The following DACH1 variants were observed in gnomAD, a reference collection of about 807,000 sequenced individuals.
The protein encoded by DACH1 is dachshund homolog 1.
DACH1 carries 12 observed loss-of-function variants against 54.2 expected under a neutral mutation model. The ratio of observed to expected loss-of-function variants is 0.22; its 90% CI spans 0.14 to 0.36. DACH1 has a LOEUF of 0.36. Ranked by LOEUF, DACH1 falls within the 10% of genes least tolerant of loss-of-function variation. The probability of loss-of-function intolerance (pLI) is 1.00; values close to 1 mark genes in which losing one functional copy is unlikely to be tolerated. For synonymous variants in DACH1, 386 were observed against 366.2 expected (o/e 1.05, Z -0.62); for missense variants, 805 against 929.8 (o/e 0.87, Z 1.75).
intron 6 of DACH1, among the ~76,000 whole-genome samples, chr13:71,500,972 C>A (rs777342496): frequency 2.0e-5 from 3 of 152,058 alleles, no homozygotes; most frequent in Non-Finnish European, 4.4e-5. Flanking sequence ...GCATTCATTT[C>A]TACGAACTTC....
At chr13:71,533,936 A>G (rs1882588414) in intron 6 of DACH1, among the ~76,000 whole-genome samples, 1 of 152,074 alleles carries the variant, frequency 6.6e-6, no homozygotes, top group Non-Finnish European at 1.5e-5. Context: ...AGACTTACAT[A>G]AACACATGAG....
rs531113806 is a variant in DACH1 at position 71,795,133 on chromosome 13, A to G, written c.848+70789T>C. Among the ~76,000 whole-genome samples, 408 of 152,282 alleles carry G rather than the reference A, an allele frequency of 2.7e-3. 3 individuals carry two copies. The highest frequency in any genetic ancestry group is 0.014 in the Middle Eastern group (4 of 292). ...GTCTATTTCTAATTTAGAAGCTCAT[A>G]TCTAGATTTGCTTCTCCACTTAGGA... On this transcript the variant is annotated intron_variant, in intron 1 of 10. Coordinates refer to ENST00000613252, the MANE Select transcript of DACH1 (RefSeq NM_080759.6).
intron 6 of DACH1, among the ~76,000 whole-genome samples, chr13:71,522,343 G>T (rs1320992892): frequency 6.6e-6 from 1 of 151,902 alleles, no homozygotes; most frequent in Non-Finnish European, 1.5e-5. Context: ...GAGACTTGTG[G>T]ATTATAAATC....
intron 4 of DACH1, among the ~76,000 whole-genome samples, chr13:71,565,220 C>T (rs1200857302): frequency 6.6e-6 from 1 of 151,988 alleles, no homozygotes; most frequent in Non-Finnish European, 1.5e-5. Context: ...ATGTTATCTT[C>T]ATATAACTTT....
chr13:71,658,357 C>T (rs1879276054), intron 2 of DACH1, among the ~76,000 whole-genome samples: 2 of 152,102 alleles, frequency 1.3e-5, no homozygotes, highest in Admixed American at 1.3e-4. Flanking sequence ...TGAGACTAGC[C>T]TGGCCAACAT....
chr13:71,775,720 T>C (rs1226789924), intron 1 of DACH1, among the ~76,000 whole-genome samples: 1 of 152,104 alleles, frequency 6.6e-6, no homozygotes, highest in East Asian at 1.9e-4. Flanking sequence ...AATAACACAA[T>C]GATAGGCAGT....
At chr13:71,775,384 C>CA (rs750785774) in intron 1 of DACH1, among the ~76,000 whole-genome samples, 66 of 151,876 alleles carry the variant, frequency 4.3e-4, no homozygotes, top group Non-Finnish European at 8.7e-4. Flanking sequence ...GCCATATAGA[C>CA]AAACCAGGTA....
chr13:71,572,962 G>A lies in DACH1; in HGVS notation c.1177C>T (p.Leu393=), dbSNP rs765119492. The part of the protein sequence containing the change: ...MMPHPLIPVS[L]PPASVTMAMS... Reference sequence around the variant, plus strand: ...GCCATGGTGACAGATGCTGGAGGTAGGCTGACAGGAATTAGAGGGTGGGGC... The same window carrying A: ...GCCATGGTGACAGATGCTGGAGGTAAGCTGACAGGAATTAGAGGGTGGGGC... Residue 393 remains leucine, a synonymous_variant, in exon 4 of 11, where the codon CTA becomes TTA. Transcript: ENST00000613252. The A allele has an allele frequency of 1.9e-6, 3 of 1,614,084 alleles. No individual in the cohort carries two copies. In the South Asian group the frequency reaches 3.3e-5, roughly 18 times the overall value.
rs147942205 is a variant in DACH1, at chr13:71,595,455, G to C, written c.1127-22443C>G. The stretch of plus-strand genomic sequence containing the variant: ...AAAAGAAGGGAGGAAGCTTGGAACT[G>C]AGTTCTGAGACTTTCACGATAATTC... On this transcript the variant is annotated intron_variant, in intron 3 of 10. Coordinates refer to ENST00000613252, the MANE Select transcript of DACH1 (RefSeq NM_080759.6). Among the ~76,000 whole-genome samples, 10 of 152,254 alleles carry C rather than the reference G, an allele frequency of 6.6e-5. No individual in the cohort carries two copies. In the East Asian group the frequency reaches 1.9e-3, roughly 29 times the overall value.
rs1873913780 is a variant in DACH1 at position 71,440,475 on chromosome 13, GA to G, written c.*179del. On this transcript the variant is annotated 3_prime_UTR_variant, in exon 11 of 11. Transcript: ENST00000613252. The stretch of plus-strand genomic sequence containing the variant: ...CAGGTCTCTGGTATGAACCACAGGT[GA>G]AAATCAATGGAGAAAACTTTTTTTT... 3.8e-6 allele frequency: 2 copies of G among 530,012 alleles called. No individual in the cohort carries two copies. The highest frequency in any genetic ancestry group is 8.4e-5 in the Admixed American group (2 of 23,676). The allele number at this position is 530,012 out of a possible 1,614,324, so 32.8% of individuals were successfully genotyped here. A position where few individuals can be genotyped will look rare whatever the true frequency, so the allele number is the denominator to read the frequency against.
intron 4 of DACH1, among the ~76,000 whole-genome samples, chr13:71,569,343 T>C (rs969588301): frequency 1.3e-5 from 2 of 152,150 alleles, no homozygotes; most frequent in African/African-American, 2.4e-5. Context: ...CACTCTGTCT[T>C]TGCATGTGAA....
intron 1 of DACH1, among the ~76,000 whole-genome samples, chr13:71,790,654 C>A (rs1170798691): frequency 6.6e-6 from 1 of 152,130 alleles, no homozygotes; most frequent in Admixed American, 6.6e-5. Flanking sequence ...AAATGCATTT[C>A]ATTTAGTTCA....
intron 10 of DACH1, among the ~76,000 whole-genome samples, chr13:71,471,154 G>A (rs1264376084): frequency 6.6e-6 from 1 of 152,172 alleles, no homozygotes; most frequent in African/African-American, 2.4e-5. Context: ...TGGGAGCACA[G>A]AGATTGGAGG....
Position 71,679,035 on chromosome 13 carries a change from T to C in DACH1, c.964+2760A>G, listed in dbSNP as rs182054573. Reference sequence around the variant, plus strand: ...CATTCTTCTTTAGAACATGGCTGTTTAAGGTCTTTTTTCGATATAATGCTT... The same window carrying C: ...CATTCTTCTTTAGAACATGGCTGTTCAAGGTCTTTTTTCGATATAATGCTT... On this transcript the variant is annotated intron_variant, in intron 2 of 10. Transcript: ENST00000613252. 2.0e-3 allele frequency among the ~76,000 whole-genome samples: 310 copies of C among 152,276 alleles called. 1 individual carries two copies. The highest frequency in any genetic ancestry group is 7.1e-3 in the African/African-American group (294 of 41,562).
At chr13:71,759,932 G>C (rs186858280) in intron 1 of DACH1, among the ~76,000 whole-genome samples, 1 of 152,316 alleles carries the variant, frequency 6.6e-6, no homozygotes, top group Admixed American at 6.5e-5. Flanking sequence ...TCCTCACAAT[G>C]TAAGCCTTTT....
In DACH1 at chr13:71,704,549, T is replaced by C. The variant is rs1882330094; in HGVS notation, c.849-22639A>G. The C allele has an allele frequency of 1.6e-5, 7 of 446,748 alleles. 1 individual carries two copies. Among genetic ancestry groups the C allele is most frequent in the South Asian group, 9.2e-5 (5 of 54,150 alleles). The allele number at this position is 446,748 out of a possible 1,614,324, so 27.7% of individuals were successfully genotyped here. Reference sequence around the variant, plus strand: ...GAAGCCAAAGAGAAACATACCTGGGTGCAACTGAAGCACCAGCCTGCTCCA... The same window carrying C: ...GAAGCCAAAGAGAAACATACCTGGGCGCAACTGAAGCACCAGCCTGCTCCA... On this transcript the variant is annotated intron_variant, in intron 1 of 10. Transcript: ENST00000613252.
chr13:71,831,516 G>T (rs574688787), intron 1 of DACH1, among the ~76,000 whole-genome samples: 1 of 151,714 alleles, frequency 6.6e-6, no homozygotes, highest in Non-Finnish European at 1.5e-5. Flanking sequence ...CATAACTTGT[G>T]ATATATAGGG....
Position 71,439,478 on chromosome 13 carries a change from G to GGTTT in DACH1, c.*1173_*1176dup, listed in dbSNP as rs1873818153. Reference sequence around the variant, plus strand: ...ACATGGTATTGGACTGGTACATCAAGGTTTGTTAGGTTTTGTTTTCAGCAA... The same window carrying GGTTT: ...ACATGGTATTGGACTGGTACATCAAGGTTTGTTTGTTAGGTTTTGTTTTCAGCAA... On this transcript the variant is annotated 3_prime_UTR_variant, in exon 11 of 11. Transcript: ENST00000613252. The GGTTT allele has an allele frequency of 6.6e-6, 1 of 152,326 alleles. No homozygotes were observed. Among genetic ancestry groups the GGTTT allele is most frequent in the South Asian group, 2.1e-4 (1 of 4,826 alleles). 9.4% of individuals were successfully genotyped at this position (152,326 alleles called of 1,614,324 possible).
chr13:71,488,800 A>AAT (rs148136679), intron 7 of DACH1, among the ~76,000 whole-genome samples, 197 bp downstream of exon 7: 1,736 of 148,530 alleles, frequency 0.012, 27 homozygotes, highest in African/African-American at 0.036. Flanking sequence ...CATATATATG[A>AAT]ATATATATAT....
Sources: allele counts gnomAD v4.1 joint callset (sites outside exome capture counted in the v4.1 genomes callset), GRCh38; gene constraint gnomAD v4.1.1; transcripts MANE v1.5; gene names NCBI Gene and HGNC (gene_info 2026-07-23, HGNC 2026-07-21).